TSPAN12: variants seen among roughly 807,000 people sequenced by gnomAD.
TSPAN12 encodes the protein tetraspanin 12, also known as tetraspanin-12.
Under a neutral mutation model 39.2 loss-of-function variants are expected in TSPAN12, and 19 were observed. That is an observed-to-expected ratio of 0.49 (90% confidence interval 0.34 to 0.71). TSPAN12 has a LOEUF of 0.71. Among genes scored for constraint, TSPAN12 ranks in the 30% least tolerant of loss-of-function variants. The pLI is 0.01. For missense variants in TSPAN12, 314 were observed against 359.9 expected (o/e 0.87, Z 1.03); for synonymous variants, 119 against 124.8 (o/e 0.95, Z 0.31).
At chr7:120,789,758 A>T (rs1382730400) in intron 7 of TSPAN12, among the ~76,000 whole-genome samples, 1 of 152,178 alleles carries the variant, frequency 6.6e-6, no homozygotes, top group Admixed American at 6.5e-5. Flanking sequence ...CTGCCTGAAA[A>T]ATTGAGCTGT....
At chr7:120,846,606 C>G (rs1395287814) in intron 2 of TSPAN12, among the ~76,000 whole-genome samples, 1 of 152,172 alleles carries the variant, frequency 6.6e-6, no homozygotes, top group Non-Finnish European at 1.5e-5. Context: ...AGTCATTCTT[C>G]CATTCAAAAA....
chr7:120,792,236 G>A (rs866262923), intron 7 of TSPAN12, among the ~76,000 whole-genome samples: 24 of 152,166 alleles, frequency 1.6e-4, no homozygotes, highest in African/African-American at 5.8e-4. Flanking sequence ...CCTTCAAGGC[G>A]CCTCTCCCGG....
At chr7:120,834,697 A>C (rs1794445668) in intron 4 of TSPAN12, among the ~76,000 whole-genome samples, 1 of 152,226 alleles carries the variant, frequency 6.6e-6, no homozygotes, top group East Asian at 1.9e-4. Flanking sequence ...AAAGTAAAAC[A>C]AGACTTTGAA....
chr7:120,812,112 C>T (rs1036394070), intron 5 of TSPAN12, among the ~76,000 whole-genome samples: 5 of 152,118 alleles, frequency 3.3e-5, no homozygotes, highest in African/African-American at 1.2e-4. Context: ...CATTTTTGTG[C>T]TTCTATTCTC....
At chr7:120,794,236 G>A (rs1000702011) in intron 7 of TSPAN12, among the ~76,000 whole-genome samples, 1 of 152,128 alleles carries the variant, frequency 6.6e-6, no homozygotes, top group Non-Finnish European at 1.5e-5. Context: ...TATAGTACAT[G>A]CAATTAAATG....
At chr7:120,840,837 C>T (rs975399770) in intron 2 of TSPAN12, among the ~76,000 whole-genome samples, 1 of 152,186 alleles carries the variant, frequency 6.6e-6, no homozygotes, top group Non-Finnish European at 1.5e-5. Flanking sequence ...AGGAAGCATT[C>T]TAGAGCATCA....
intron 2 of TSPAN12, among the ~76,000 whole-genome samples, chr7:120,852,146 C>A (rs1584955889): frequency 6.6e-6 from 1 of 151,696 alleles, no homozygotes; most frequent in African/African-American, 2.4e-5. Flanking sequence ...AACAGGAAAA[C>A]AAAATTGAAT....
intron 7 of TSPAN12, among the ~76,000 whole-genome samples, chr7:120,801,164 G>A: frequency 6.6e-6 from 1 of 151,778 alleles, no homozygotes; most frequent in East Asian, 1.9e-4. Context: ...CTTTTAACCT[G>A]TAGGAGCACC....
At chr7:120,792,308 TGAC>T (rs1653369855) in intron 7 of TSPAN12, among the ~76,000 whole-genome samples, 1 of 152,184 alleles carries the variant, frequency 6.6e-6, no homozygotes, top group African/African-American at 2.4e-5. Context: ...TGTCTTTATT[TGAC>T]CTGAACTTGA....
intron 6 of TSPAN12, among the ~76,000 whole-genome samples, chr7:120,808,078 C>A (rs1793909728): frequency 6.6e-6 from 1 of 152,072 alleles, no homozygotes; most frequent in Non-Finnish European, 1.5e-5. Flanking sequence ...AATTCTTGCA[C>A]TCAAAGAAAA....
chr7:120,826,791 C>T (rs977869050), intron 4 of TSPAN12, among the ~76,000 whole-genome samples: 2 of 152,088 alleles, frequency 1.3e-5, no homozygotes, highest in Admixed American at 6.5e-5. Flanking sequence ...GGCATGATCT[C>T]GGCTCACTGC....
chr7:120,795,146 C>G (rs1050680634), intron 7 of TSPAN12, among the ~76,000 whole-genome samples: 1 of 152,166 alleles, frequency 6.6e-6, no homozygotes, highest in African/African-American at 2.4e-5. Context: ...GTATTTTATT[C>G]AGAATAGGAA....
intron 4 of TSPAN12, among the ~76,000 whole-genome samples, chr7:120,836,478 A>G (rs926388189): frequency 1.4e-4 from 22 of 152,166 alleles, no homozygotes; most frequent in African/African-American, 2.2e-4. Flanking sequence ...TACATCCAAA[A>G]AGCAAAGTAG....
intron 5 of TSPAN12, among the ~76,000 whole-genome samples, chr7:120,810,833 T>A (rs1314179261): frequency 1.3e-5 from 2 of 152,154 alleles, no homozygotes; most frequent in Admixed American, 1.3e-4. Flanking sequence ...AGAAATCACT[T>A]TAATGCTCAA....
chr7:120,856,659 C>T (rs773573914), intron 2 of TSPAN12, 39 bp downstream of exon 2: 1 of 1,610,350 alleles, frequency 6.2e-7, no homozygotes, highest in South Asian at 1.1e-5. Context: ...AAACCAGAGC[C>T]AGCCGTTCCC....
intron 5 of TSPAN12, among the ~76,000 whole-genome samples, chr7:120,810,793 A>T (rs1793966727): frequency 6.6e-6 from 1 of 152,214 alleles, no homozygotes; most frequent in Non-Finnish European, 1.5e-5. Flanking sequence ...GTGATAAATG[A>T]AGAGGTATTT....
chr7:120,817,028 T>C (rs953989660), intron 4 of TSPAN12, among the ~76,000 whole-genome samples: 1 of 152,096 alleles, frequency 6.6e-6, no homozygotes, highest in African/African-American at 2.4e-5. Context: ...TGTGGGAAGA[T>C]AAAAAATCTA....
At chr7:120,819,968 T>C (rs141364526) in intron 4 of TSPAN12, among the ~76,000 whole-genome samples, 22 of 152,320 alleles carry the variant, frequency 1.4e-4, no homozygotes, top group Middle Eastern at 3.4e-3. Flanking sequence ...CTGAGCTGTG[T>C]TGTGATATGA....
chr7:120,819,464 C>T (rs1794146977), intron 4 of TSPAN12, among the ~76,000 whole-genome samples: 1 of 152,188 alleles, frequency 6.6e-6, no homozygotes, highest in South Asian at 2.1e-4. Flanking sequence ...AATGGTTTCA[C>T]ATGATGCCAG....
Sources: allele counts gnomAD v4.1 joint callset (sites outside exome capture counted in the v4.1 genomes callset), GRCh38; gene constraint gnomAD v4.1.1; transcripts MANE v1.5; gene names NCBI Gene and HGNC (gene_info 2026-07-23, HGNC 2026-07-21).